CSNK1D: variants seen among roughly 807,000 people sequenced by gnomAD.
The protein encoded by CSNK1D is casein kinase I isoform delta.
CSNK1D carries 16 observed loss-of-function variants against 46.6 expected under a neutral mutation model. The ratio of observed to expected loss-of-function variants is 0.34; its 90% CI spans 0.23 to 0.52. The LOEUF (loss-of-function observed/expected upper bound fraction) is 0.52, where lower values mean the gene tolerates loss of function less well. Among genes scored for constraint, CSNK1D ranks in the 20% least tolerant of loss-of-function variants. The probability of loss-of-function intolerance (pLI) is 0.95; values close to 1 mark genes in which losing one functional copy is unlikely to be tolerated. For synonymous variants in CSNK1D, 276 were observed against 228.2 expected (o/e 1.21, Z -1.89); for missense variants, 398 against 578.4 (o/e 0.69, Z 3.20).
At position 82,244,409 on chromosome 17, in the gene CSNK1D, A is replaced by G. The variant is rs2147149158; in HGVS notation, c.*372T>C. On this transcript the variant is annotated 3_prime_UTR_variant, in exon 9 of 9. Coordinates refer to ENST00000314028, the MANE Select transcript of CSNK1D (RefSeq NM_001893.6). The stretch of plus-strand genomic sequence containing the variant: ...CAATAATTTTTAGCAAAATGATACA[A>G]AACTGTCTTAACCAAGTAGAAGATT... 1 of 1,193,180 alleles carries G rather than the reference A, an allele frequency of 8.4e-7. No individual in the cohort carries two copies. Among genetic ancestry groups the G allele is most frequent in the South Asian group, 2.0e-5 (1 of 49,546 alleles). The allele number at this position is 1,193,180 out of a possible 1,614,324, so 73.9% of individuals were successfully genotyped here. A position where few individuals can be genotyped will look rare whatever the true frequency, so the allele number is the denominator to read the frequency against.
At chr17:82,273,707 A>T (rs1305125594), upstream of CSNK1D, 2 of 483,812 alleles carry the variant, frequency 4.1e-6, no homozygotes, top group African/African-American at 2.1e-5. This position sits in a 1 kb window ranked among gnomAD's most constrained non-coding sequence, Gnocchi z 5.1. Context: ...CTGTGACGTC[A>T]CTTCCCCTAG....
At position 82,265,672 on chromosome 17, in the gene CSNK1D, T is replaced by G; in HGVS notation, c.187+14A>C. Reference sequence around the variant, plus strand: ...CAGAACCCTGGTGTTGCTCTGTGACTGGTAAAGACCTACCTCCTCCCTGCA... The same window carrying G: ...CAGAACCCTGGTGTTGCTCTGTGACGGGTAAAGACCTACCTCCTCCCTGCA... On this transcript the variant is annotated intron_variant, in intron 2 of 8. Transcript: ENST00000314028. 6.3e-7 allele frequency: 1 copy of G among 1,591,006 alleles called. No individual in the cohort carries two copies. The highest frequency in any genetic ancestry group is 8.6e-7 in the Non-Finnish European group (1 of 1,158,984).
At chr17:82,272,662 G>C (rs1273826158) in intron 1 of CSNK1D, among the ~76,000 whole-genome samples, 1 of 152,220 alleles carries the variant, frequency 6.6e-6, no homozygotes, top group Non-Finnish European at 1.5e-5. Flanking sequence ...CCCAGCGGGA[G>C]GGCAAGCCCC....
In CSNK1D at chr17:82,255,558, T is replaced by C. The variant is rs763052778; in HGVS notation, c.207A>G (p.Arg69=). The change falls in exon 3 of 9, where the codon AGA becomes AGG. Residue 69 remains arginine, a synonymous_variant. Coordinates refer to ENST00000314028, the MANE Select transcript of CSNK1D (RefSeq NM_001893.6). This position sits in a 1 kb window ranked among gnomAD's most constrained non-coding sequence, Gnocchi z 5.9. Reference sequence around the variant, plus strand: ...TGTAGTCCCCCTCTGCCCCGCACCATCTGATGGTGGGGATGCCCACTAGGC... The same window carrying C: ...TGTAGTCCCCCTCTGCCCCGCACCACCTGATGGTGGGGATGCCCACTAGGC... ...MQGGVGIPTI[R]WCGAEGDYNV... is the part of the protein sequence containing the mutation. 6 of 1,613,982 alleles carry C rather than the reference T, an allele frequency of 3.7e-6. No homozygotes were observed. The highest frequency in any genetic ancestry group is 3.3e-5 in the South Asian group (3 of 91,086).
In CSNK1D at chr17:82,255,953, C is replaced by A. The variant is rs190063702; in HGVS notation, c.188-376G>T. On this transcript the variant is annotated intron_variant, in intron 2 of 8. Coordinates refer to ENST00000314028, the MANE Select transcript of CSNK1D (RefSeq NM_001893.6). The surrounding 1 kb of genome is among the most constrained non-coding windows in gnomAD (Gnocchi z 5.9). ...AAGGAGCAGCAGAGCCCGCCAGAAA[C>A]GTCACACAGGAGATGGGAGGAGAGA... Among the ~76,000 whole-genome samples, 1 of 152,160 alleles carries A rather than the reference C, an allele frequency of 6.6e-6. No homozygotes were observed. Among genetic ancestry groups the A allele is most frequent in the South Asian group, 2.1e-4 (1 of 4,836 alleles).
intron 2 of CSNK1D, among the ~76,000 whole-genome samples, chr17:82,262,626 A>G (rs1426137456): frequency 6.6e-6 from 1 of 152,146 alleles, no homozygotes; most frequent in African/African-American, 2.4e-5. Flanking sequence ...TGGACCACCC[A>G]CAGCAAACAC....
rs7406962 is a variant in CSNK1D, at chr17:82,251,716, T to C, written c.737-189A>G. On this transcript the variant is annotated intron_variant, in intron 5 of 8. Coordinates refer to ENST00000314028, the MANE Select transcript of CSNK1D (RefSeq NM_001893.6). The surrounding 1 kb of genome is among the most constrained non-coding windows in gnomAD (Gnocchi z 4.5). Reference sequence around the variant, plus strand: ...GAAAAGTATTCAAGTCACGGCCGGGTGCGGCGGCTCACGCCTGTCACCCCA... The same window carrying C: ...GAAAAGTATTCAAGTCACGGCCGGGCGCGGCGGCTCACGCCTGTCACCCCA... 0.047 allele frequency: 32,479 copies of C among 684,874 alleles called. 5,608 individuals are homozygous for C. The highest frequency in any genetic ancestry group is 0.44 in the African/African-American group (24,535 of 56,060). The allele number at this position is 684,874 out of a possible 1,614,324, so 42.4% of individuals were successfully genotyped here.
chr17:82,265,172 T>C (rs7213159), intron 2 of CSNK1D: 15,217 of 204,058 alleles, frequency 0.075, 2,188 homozygotes, highest in African/African-American at 0.32. Flanking sequence ...GACAAGATGG[T>C]ATAAGATTTT....
In CSNK1D at chr17:82,251,573, A is replaced by G; in HGVS notation, c.737-46T>C. The G allele has an allele frequency of 6.2e-7, 1 of 1,608,668 alleles. No individual in the cohort carries two copies. Among genetic ancestry groups the G allele is most frequent in the Non-Finnish European group, 8.5e-7 (1 of 1,176,634 alleles). On this transcript the variant is annotated intron_variant, in intron 5 of 8. Coordinates refer to ENST00000314028, the MANE Select transcript of CSNK1D (RefSeq NM_001893.6). The surrounding 1 kb of genome is among the most constrained non-coding windows in gnomAD (Gnocchi z 4.5). ...AGCTAACTCATGAAACCCAACTGCGACTCAAGGTGTCTCTGCCAACGTCGC... is the reference window on the plus strand; with the variant it reads ...AGCTAACTCATGAAACCCAACTGCGGCTCAAGGTGTCTCTGCCAACGTCGC...
At chr17:82,254,565 C>T (rs1214912951) in intron 3 of CSNK1D, 3 of 29,328 alleles carry the variant, frequency 1.0e-4, no homozygotes, top group Non-Finnish European at 1.8e-4. Context: ...AGCCTCGAGA[C>T]GCCAGTGAGC....
In CSNK1D at chr17:82,253,111, C is replaced by A; in HGVS notation, c.470G>T (p.Arg157Leu). 1 of 1,614,206 alleles carries A rather than the reference C, an allele frequency of 6.2e-7. No individual in the cohort carries two copies. Among genetic ancestry groups the A allele is most frequent in the Non-Finnish European group, 8.5e-7 (1 of 1,180,032 alleles). The change falls in exon 4 of 9, where the codon CGG (arginine) becomes CTG (leucine). Residue 157 changes from arginine (R) to leucine (L), a missense_variant. By Grantham distance (102) the Arg-to-Leu change is moderately radical (BLOSUM62 -2). Coordinates refer to ENST00000314028, the MANE Select transcript of CSNK1D (RefSeq NM_001893.6). ...IIDFGLAKKY[R>L]DARTHQHIPY... ...GATGTGCTGGTGGGTGCGTGCATCCCGGTACTTCTTGGCCAGCCCGAAGTC... is the reference window on the plus strand; with the variant it reads ...GATGTGCTGGTGGGTGCGTGCATCCAGGTACTTCTTGGCCAGCCCGAAGTC...
Position 82,249,780 on chromosome 17 carries a change from C to A in CSNK1D, c.886-178G>T. On this transcript the variant is annotated intron_variant, in intron 6 of 8. Coordinates refer to ENST00000314028, the MANE Select transcript of CSNK1D (RefSeq NM_001893.6). The surrounding 1 kb of genome is among the most constrained non-coding windows in gnomAD (Gnocchi z 6.7). ...TCATGGGATGACAGCATCATCCCCA[C>A]AAGGGGTCAGAGCCAGGCCTCTCAG... The A allele has an allele frequency of 6.8e-7, 1 of 1,465,264 alleles. No homozygotes were observed. Among genetic ancestry groups the A allele is most frequent in the Non-Finnish European group, 9.0e-7 (1 of 1,110,492 alleles). The allele number at this position is 1,465,264 out of a possible 1,614,324, so 90.8% of individuals were successfully genotyped here. A position where few individuals can be genotyped will look rare whatever the true frequency, so the allele number is the denominator to read the frequency against.
Position 82,250,285 on chromosome 17 carries a change from T to C in CSNK1D, c.886-683A>G, listed in dbSNP as rs538999166. On this transcript the variant is annotated intron_variant, in intron 6 of 8. Coordinates refer to ENST00000314028, the MANE Select transcript of CSNK1D (RefSeq NM_001893.6). This position sits in a 1 kb window ranked among gnomAD's most constrained non-coding sequence, Gnocchi z 4.6. ...CACTTCTTCCTGCAAGTACAGCTCA[T>C]TGGACACAGCCACGTTCACCAGGCA... 3.2e-5 allele frequency: 34 copies of C among 1,078,394 alleles called. No homozygotes were observed. The highest frequency in any genetic ancestry group is 2.5e-4 in the South Asian group (19 of 76,024). The allele number at this position is 1,078,394 out of a possible 1,614,324, so 66.8% of individuals were successfully genotyped here. A position where few individuals can be genotyped will look rare whatever the true frequency, so the allele number is the denominator to read the frequency against.
chr17:82,273,447 G>GCGC lies in CSNK1D; in HGVS notation c.-69_-67dup. ...TCCTGGGTCTGAACTCTGGGAGGCG[G>GCGC]CGCCGCTGCTGCCGCTACTGCGGGT... On this transcript the variant is annotated 5_prime_UTR_variant, in exon 1 of 9. Transcript: ENST00000314028. This position sits in a 1 kb window ranked among gnomAD's most constrained non-coding sequence, Gnocchi z 5.1. 6.3e-7 allele frequency: 1 copy of GCGC among 1,583,896 alleles called. No individual in the cohort carries two copies. Among genetic ancestry groups the GCGC allele is most frequent in the South Asian group, 1.1e-5 (1 of 88,746 alleles).
intron 2 of CSNK1D, among the ~76,000 whole-genome samples, chr17:82,258,311 T>C (rs1599601996): frequency 1.3e-5 from 2 of 150,190 alleles, no homozygotes; most frequent in East Asian, 3.9e-4. Context: ...AAAACATAAA[T>C]GTATATATAA....
rs2050907415 is a variant in CSNK1D, at chr17:82,248,485, A to T, written c.1197+390T>A. The T allele has an allele frequency of 9.2e-7, 1 of 1,088,364 alleles. No individual in the cohort carries two copies. The highest frequency in any genetic ancestry group is 1.1e-6 in the Non-Finnish European group (1 of 889,726). The allele number at this position is 1,088,364 out of a possible 1,614,324, so 67.4% of individuals were successfully genotyped here. On this transcript the variant is annotated intron_variant, in intron 8 of 8. Transcript: ENST00000314028. The surrounding 1 kb of genome is among the most constrained non-coding windows in gnomAD (Gnocchi z 4.1). ...CCTCCATCCCTGGCCAGTGGCAAGAATGAGGAAGAATGAGGAAGGCTCCCT... is the reference window on the plus strand; with the variant it reads ...CCTCCATCCCTGGCCAGTGGCAAGATTGAGGAAGAATGAGGAAGGCTCCCT...
chr17:82,251,138 G>A lies in CSNK1D; in HGVS notation c.885+241C>T, dbSNP rs2050998033. ...ACAGGGAGGGAAGGGGCCTCCTGCT[G>A]TCCACACCCAGGAATTCCATGGACC... On this transcript the variant is annotated intron_variant, in intron 6 of 8. Coordinates refer to ENST00000314028, the MANE Select transcript of CSNK1D (RefSeq NM_001893.6). The surrounding 1 kb of genome is among the most constrained non-coding windows in gnomAD (Gnocchi z 4.5). The A allele has an allele frequency of 1.9e-6, 1 of 523,082 alleles. No homozygotes were observed. 32.4% of individuals were successfully genotyped at this position (523,082 alleles called of 1,614,324 possible). A position where few individuals can be genotyped will look rare whatever the true frequency, so the allele number is the denominator to read the frequency against.
At chr17:82,260,393 C>T (rs1429829049) in intron 2 of CSNK1D, among the ~76,000 whole-genome samples, 2 of 145,934 alleles carry the variant, frequency 1.4e-5, no homozygotes, top group Non-Finnish European at 3.0e-5. Flanking sequence ...GGTGTACTGA[C>T]TGATGGTGTA....
In CSNK1D at chr17:82,252,582, C is replaced by T. The variant is rs1263153680; in HGVS notation, c.588G>A (p.Leu196=). ...LGIEQSRRDD[L]ESLGYVLMYF... ...ACATTAGCACGTAGCCCAGAGACTC[C>T]AAGTCATCTCTTCGGGATTGTTCTG... Residue 196 remains leucine (L), a synonymous_variant, in exon 5 of 9, where the codon TTG becomes TTA. Coordinates refer to ENST00000314028, the MANE Select transcript of CSNK1D (RefSeq NM_001893.6). The surrounding 1 kb of genome is among the most constrained non-coding windows in gnomAD (Gnocchi z 4.6). 3.1e-6 allele frequency: 5 copies of T among 1,613,976 alleles called. No individual in the cohort carries two copies. Among genetic ancestry groups the T allele is most frequent in the Admixed American group, 1.7e-5 (1 of 60,020 alleles).
Sources: allele counts gnomAD v4.1 joint callset (sites outside exome capture counted in the v4.1 genomes callset), GRCh38; gene constraint gnomAD v4.1.1; non-coding constraint Gnocchi (gnomAD v3.1); transcripts MANE v1.5; gene names NCBI Gene and HGNC (gene_info 2026-07-23, HGNC 2026-07-21).